The following CAMKMT variants were observed in gnomAD, a reference collection of about 807,000 sequenced individuals.
CAMKMT encodes calmodulin-lysine N-methyltransferase, also known as CaM KMT.
CAMKMT carries 53 observed loss-of-function variants against 48.0 expected under a neutral mutation model. That is an observed-to-expected ratio of 1.10 (90% CI 0.89 to 1.39). The LOEUF is 1.39. Among genes scored for constraint, CAMKMT ranks in the 40% most tolerant of loss-of-function variants. The pLI, the probability that CAMKMT is intolerant of heterozygous loss-of-function variation, is 0.00. For synonymous variants in CAMKMT, 165 were observed against 152.3 expected (o/e 1.08, Z -0.61); for missense variants, 428 against 402.7 (o/e 1.06, Z -0.54).
rs537361073 is a variant in CAMKMT at position 44,743,860 on chromosome 2, T to C, written c.698+164T>C. On this transcript the variant is annotated intron_variant, in intron 8 of 10. Coordinates refer to ENST00000378494, the MANE Select transcript of CAMKMT (RefSeq NM_024766.5). ...TCATCTCCATGTGACAGTTATAAGG[T>C]AGTCTTCTATCACACAGTAACTTCT... Among the ~76,000 whole-genome samples, 12 of 152,314 alleles carry C rather than the reference T, an allele frequency of 7.9e-5. No homozygotes were observed. The East Asian group carries it at 1.9e-3, about 24-fold the overall frequency.
intron 3 of CAMKMT, among the ~76,000 whole-genome samples, chr2:44,605,086 A>G (rs1415908147): frequency 1.3e-5 from 2 of 152,294 alleles, no homozygotes; most frequent in African/African-American, 4.8e-5. Context: ...AATTCATGGT[A>G]ATAATTCTGT....
intron 1 of CAMKMT, among the ~76,000 whole-genome samples, chr2:44,368,155 C>T (rs1678805814): frequency 6.6e-6 from 1 of 152,140 alleles, no homozygotes; most frequent in Non-Finnish European, 1.5e-5. Flanking sequence ...GACTAAATAG[C>T]TCATTGACTT....
At chr2:44,611,797 G>A (rs1405009902) in intron 3 of CAMKMT, among the ~76,000 whole-genome samples, 1 of 151,936 alleles carries the variant, frequency 6.6e-6, no homozygotes, top group African/African-American at 2.4e-5. Flanking sequence ...CAATCATGGT[G>A]GAAGGTGAAG....
chr2:44,677,463 G>A (rs1197343881), intron 3 of CAMKMT, among the ~76,000 whole-genome samples: 2 of 152,174 alleles, frequency 1.3e-5, no homozygotes, highest in Admixed American at 6.5e-5. Context: ...CTGTACTCAG[G>A]AGAGCTGTCC....
chr2:44,680,675 TCG>T (rs764821310), intron 3 of CAMKMT, among the ~76,000 whole-genome samples: 2 of 152,102 alleles, frequency 1.3e-5, no homozygotes, highest in Admixed American at 6.6e-5. Context: ...GAAAGGTAAA[TCG>T]GTGGCTGGCC....
intron 3 of CAMKMT, among the ~76,000 whole-genome samples, chr2:44,635,670 G>A (rs1673088826): frequency 6.6e-6 from 1 of 152,156 alleles, no homozygotes; most frequent in South Asian, 2.1e-4. Context: ...TTTTAGTTGT[G>A]CTGAATAATG....
intron 3 of CAMKMT, among the ~76,000 whole-genome samples, chr2:44,629,058 C>G (rs750589936): frequency 6.6e-6 from 1 of 152,118 alleles, no homozygotes; most frequent in African/African-American, 2.4e-5. Flanking sequence ...TTGTCATATT[C>G]TACATCCTTA....
intron 8 of CAMKMT, among the ~76,000 whole-genome samples, chr2:44,749,594 T>C (rs1233823593): frequency 6.6e-6 from 1 of 152,176 alleles, no homozygotes; most frequent in African/African-American, 2.4e-5. Context: ...TCAACAAACC[T>C]TTATCAACTA....
Position 44,469,117 on chromosome 2 carries a change from C to T in CAMKMT, c.376+78812C>T, listed in dbSNP as rs574757541. ...AGGAATCAGTTCTAGTGTTCTACAG[C>T]ACTGTAGAGTGACTATCGTTAACAA... On this transcript the variant is annotated intron_variant, in intron 3 of 10. Coordinates refer to ENST00000378494, the MANE Select transcript of CAMKMT (RefSeq NM_024766.5). Among the ~76,000 whole-genome samples, 10 of 152,024 alleles carry T rather than the reference C, an allele frequency of 6.6e-5. No individual in the cohort carries two copies. The East Asian group carries it at 1.7e-3, about 26-fold the overall frequency.
At chr2:44,567,445 A>G (rs1248447026) in intron 3 of CAMKMT, among the ~76,000 whole-genome samples, 2 of 152,210 alleles carry the variant, frequency 1.3e-5, no homozygotes, top group African/African-American at 4.8e-5. Flanking sequence ...TAGAAAAATT[A>G]TGTTCATTCA....
intron 3 of CAMKMT, among the ~76,000 whole-genome samples, chr2:44,416,773 C>T (rs1158431482): frequency 6.6e-6 from 1 of 151,712 alleles, no homozygotes; most frequent in African/African-American, 2.4e-5. Context: ...CAGGGTTTCA[C>T]TATGTTGGCC....
At chr2:44,649,804 G>A (rs1465225999) in intron 3 of CAMKMT, among the ~76,000 whole-genome samples, 3 of 152,072 alleles carry the variant, frequency 2.0e-5, no homozygotes, top group South Asian at 2.1e-4. Flanking sequence ...AGTATCAAGC[G>A]GGTCACTGTA....
chr2:44,498,463 G>A lies in CAMKMT; in HGVS notation c.376+108158G>A, dbSNP rs567353485. 1.8e-4 allele frequency among the ~76,000 whole-genome samples: 27 copies of A among 152,262 alleles called. 1 individual carries two copies. The highest frequency in any genetic ancestry group is 1.5e-3 in the East Asian group (8 of 5,188). On this transcript the variant is annotated intron_variant, in intron 3 of 10. Transcript: ENST00000378494. The stretch of plus-strand genomic sequence containing the variant: ...ATCAACACACATATACATTCTCTAC[G>A]TAAGGTTAAGATGTATGTAGCTAAA...
rs559906214 is a variant in CAMKMT at position 44,663,520 on chromosome 2, C to G, written c.377-40763C>G. Among the ~76,000 whole-genome samples the G allele has an allele frequency of 3.3e-5, 5 of 152,310 alleles. No individual in the cohort carries two copies. The South Asian group carries it at 1.0e-3, about 32-fold the overall frequency. ...CAATGTGGACATCAGAGAGTAATAACTTTTAAAAGGTTCATTATTCTCCAC... is the reference window on the plus strand; with the variant it reads ...CAATGTGGACATCAGAGAGTAATAAGTTTTAAAAGGTTCATTATTCTCCAC... On this transcript the variant is annotated intron_variant, in intron 3 of 10. Coordinates refer to ENST00000378494, the MANE Select transcript of CAMKMT (RefSeq NM_024766.5).
At chr2:44,663,400 A>G (rs1261032518) in intron 3 of CAMKMT, among the ~76,000 whole-genome samples, 1 of 152,228 alleles carries the variant, frequency 6.6e-6, no homozygotes, top group African/African-American at 2.4e-5. Flanking sequence ...TTCCACTACC[A>G]TCTTCAAGCA....
chr2:44,536,812 T>G (rs906771050), intron 3 of CAMKMT, among the ~76,000 whole-genome samples: 1 of 151,990 alleles, frequency 6.6e-6, no homozygotes, highest in Non-Finnish European at 1.5e-5. Flanking sequence ...GTATAAAAAT[T>G]GACGTATAGA....
At chr2:44,489,124 C>G (rs1572634128) in intron 3 of CAMKMT, among the ~76,000 whole-genome samples, 1 of 152,084 alleles carries the variant, frequency 6.6e-6, no homozygotes, top group East Asian at 1.9e-4. Flanking sequence ...CCTGCCTCAG[C>G]CTCCCAAAGT....
Position 44,452,588 on chromosome 2 carries a change from G to C in CAMKMT, c.376+62283G>C, listed in dbSNP as rs550475094. Among the ~76,000 whole-genome samples, 32 of 152,064 alleles carry C rather than the reference G, an allele frequency of 2.1e-4. No homozygotes were observed. In the South Asian group the frequency reaches 6.0e-3, roughly 29 times the overall value. ...TCTTTCATGGCACACTTGGCTTACA[G>C]AGTTTAATTTTGCTGAAATAAGAGT... On this transcript the variant is annotated intron_variant, in intron 3 of 10. Coordinates refer to ENST00000378494, the MANE Select transcript of CAMKMT (RefSeq NM_024766.5).
chr2:44,508,489 G>A (rs931795566), intron 3 of CAMKMT, among the ~76,000 whole-genome samples: 2 of 152,134 alleles, frequency 1.3e-5, no homozygotes, highest in African/African-American at 4.8e-5. Flanking sequence ...ATGAAAGCAT[G>A]TTTCTTTCCT....
Sources: gnomAD v4.1 joint callset for allele counts (sites outside exome capture counted in the v4.1 genomes callset) on GRCh38, gnomAD v4.1.1 for gene constraint, MANE v1.5 for transcripts, NCBI Gene and HGNC (gene_info 2026-07-23, HGNC 2026-07-21) for gene names.